The following DNAJC11 variants were observed in gnomAD, a reference collection of about 807,000 sequenced individuals.
The protein encoded by DNAJC11 is dnaJ homolog subfamily C member 11.
A neutral mutation model predicts 78.6 loss-of-function variants in DNAJC11; 15 were observed. That is an observed-to-expected ratio of 0.19 (90% CI 0.13 to 0.29). DNAJC11 has a LOEUF of 0.29. Among genes scored for constraint, DNAJC11 ranks in the 10% least tolerant of loss-of-function variants. The pLI, the probability that DNAJC11 is intolerant of heterozygous loss-of-function variation, is 1.00. For missense variants in DNAJC11, 547 were observed against 709.6 expected, an observed-to-expected ratio of 0.77 and a Z score of 2.60; for synonymous variants, 292 against 272.1, an observed-to-expected ratio of 1.07 and a Z score of -0.72.
rs1209359020 is a variant in DNAJC11, at chr1:6,653,168, G to A, written c.508-217C>T. 6.6e-6 allele frequency among the ~76,000 whole-genome samples: 1 copy of A among 152,184 alleles called. No homozygotes were observed. The highest frequency in any genetic ancestry group is 2.4e-5 in the African/African-American group (1 of 41,434). ...CACGAGGGTAATATGCTTTGCAAAAGCTTTAATGGGCACATTTCACAACAC... is the reference window on the plus strand; with the variant it reads ...CACGAGGGTAATATGCTTTGCAAAAACTTTAATGGGCACATTTCACAACAC... On this transcript the variant is annotated intron_variant, in intron 5 of 15. Coordinates refer to ENST00000377577, the MANE Select transcript of DNAJC11 (RefSeq NM_018198.4). This position sits in a 1 kb window ranked among gnomAD's most constrained non-coding sequence, Gnocchi z 4.5.
intron 7 of DNAJC11, chr1:6,650,974 C>A: frequency 2.0e-6 from 1 of 490,496 alleles, no homozygotes; most frequent in Non-Finnish European, 4.3e-6. Context: ...TTACCCTCCA[C>A]CAATTCTTTT....
chr1:6,664,597 T>C (rs1642267987), intron 4 of DNAJC11, among the ~76,000 whole-genome samples: 1 of 152,164 alleles, frequency 6.6e-6, no homozygotes, highest in South Asian at 2.1e-4. Flanking sequence ...AAGCCAAGAA[T>C]TTCCTCCTCA....
At chr1:6,692,192 C>G (rs1642756997) in intron 1 of DNAJC11, among the ~76,000 whole-genome samples, 1 of 152,102 alleles carries the variant, frequency 6.6e-6, no homozygotes, top group African/African-American at 2.4e-5. Flanking sequence ...GTTTGAAATG[C>G]CCAAAGCAGA....
chr1:6,675,022 C>T (rs1200740106), intron 3 of DNAJC11, among the ~76,000 whole-genome samples: 1 of 152,194 alleles, frequency 6.6e-6, no homozygotes, highest in Non-Finnish European at 1.5e-5. Context: ...AGCTTCCTCC[C>T]TGGAGTGAAA....
At chr1:6,676,631 G>A (rs768926428) in intron 3 of DNAJC11, among the ~76,000 whole-genome samples, 7 of 152,236 alleles carry the variant, frequency 4.6e-5, no homozygotes, top group Middle Eastern at 3.4e-3. Flanking sequence ...AGTGAGCCAT[G>A]ATGGCACCAA....
intron 10 of DNAJC11, among the ~76,000 whole-genome samples, chr1:6,641,436 CAG>C (rs1377283822): frequency 1.4e-4 from 20 of 144,910 alleles, no homozygotes; most frequent in African/African-American, 4.8e-4. Context: ...CACACACAAA[CAG>C]AGACAGGTTA....
intron 10 of DNAJC11, among the ~76,000 whole-genome samples, chr1:6,641,404 T>TACACACAC (rs765422306): frequency 1.0e-5 from 1 of 100,138 alleles, no homozygotes; most frequent in Non-Finnish European, 2.3e-5. Context: ...TATATATATA[T>TACACACAC]ATACACACAC....
At chr1:6,637,588 G>C in intron 12 of DNAJC11, 84 bp from the exon 13 acceptor site, 1 of 1,482,226 alleles carries the variant, frequency 6.7e-7, no homozygotes, top group African/African-American at 1.4e-5. Context: ...AGGCAGTCTT[G>C]TCCACGTCAA....
chr1:6,678,616 T>C (rs1642507223), intron 2 of DNAJC11, 149 bp from the exon 3 acceptor site: 2 of 666,920 alleles, frequency 3.0e-6, no homozygotes, highest in South Asian at 3.9e-5. Flanking sequence ...TCTACACATC[T>C]TTCCTCCCAA....
chr1:6,642,893 C>T lies in DNAJC11; in HGVS notation c.1097+1665G>A, dbSNP rs573143407. Among the ~76,000 whole-genome samples the T allele has an allele frequency of 2.2e-4, 34 of 152,184 alleles. No homozygotes were observed. The South Asian group carries it at 3.5e-3, about 16-fold the overall frequency. On this transcript the variant is annotated intron_variant, in intron 10 of 15. Transcript: ENST00000377577. ...GGGTGGTCCAAGCTGGCACTTGCAA[C>T]GTGAGTCCTCAGGGCATGAGAGCCA...
At chr1:6,656,197 C>T (rs1570280199) in intron 4 of DNAJC11, among the ~76,000 whole-genome samples, 3 of 143,180 alleles carry the variant, frequency 2.1e-5, no homozygotes, top group African/African-American at 7.7e-5. Context: ...AAAAACCATA[C>T]AAAATAAATA....
chr1:6,668,057 G>A (rs1642319219), intron 3 of DNAJC11: 1 of 436,636 alleles, frequency 2.3e-6, no homozygotes, highest in East Asian at 3.4e-5. Context: ...TCTCCAGAGT[G>A]ACTTAAACAT....
intron 4 of DNAJC11, among the ~76,000 whole-genome samples, chr1:6,666,945 C>T (rs548306899): frequency 5.3e-5 from 8 of 152,118 alleles, no homozygotes; most frequent in Non-Finnish European, 7.3e-5. Context: ...AACAGTACAC[C>T]GGGCCATGTT....
chr1:6,654,295 G>A, intron 4 of DNAJC11: 2 of 333,736 alleles, frequency 6.0e-6, no homozygotes, highest in Non-Finnish European at 1.1e-5. Context: ...TGTCTGCAGA[G>A]CAATGACACG....
intron 3 of DNAJC11, among the ~76,000 whole-genome samples, chr1:6,675,519 C>T (rs902919692): frequency 3.9e-5 from 6 of 152,176 alleles, no homozygotes; most frequent in East Asian, 1.9e-4. Context: ...TAGGCTCAAG[C>T]GATCCTCCCA....
chr1:6,638,248 G>GT (rs1283987649), intron 12 of DNAJC11, 47 bp downstream of exon 12: 1 of 1,582,132 alleles, frequency 6.3e-7, no homozygotes, highest in South Asian at 1.1e-5. Flanking sequence ...GGGGTGTGGA[G>GT]TGTGTCCCCT....
intron 10 of DNAJC11, 43 bp from the exon 11 acceptor site, chr1:6,640,100 A>G: frequency 6.6e-6 from 10 of 1,509,674 alleles, no homozygotes; most frequent in Non-Finnish European, 8.8e-6. Context: ...GCCAAGATGA[A>G]TCAGGTTTTC....
intron 10 of DNAJC11, among the ~76,000 whole-genome samples, chr1:6,643,325 G>A (rs557953551): frequency 6.6e-6 from 1 of 150,966 alleles, no homozygotes; most frequent in East Asian, 1.9e-4. Flanking sequence ...GCCCAGGCTG[G>A]AGTGCAGTGG....
At chr1:6,684,284 G>A (rs1642600883) in intron 1 of DNAJC11, among the ~76,000 whole-genome samples, 2 of 152,154 alleles carry the variant, frequency 1.3e-5, no homozygotes. Flanking sequence ...ATTTCATCGT[G>A]TTGGCCAGGC....
Sources: gnomAD v4.1 joint callset for allele counts (sites outside exome capture counted in the v4.1 genomes callset) on GRCh38, gnomAD v4.1.1 for gene constraint, Gnocchi (gnomAD v3.1) non-coding constraint, MANE v1.5 for transcripts, NCBI Gene and HGNC (gene_info 2026-07-23, HGNC 2026-07-21) for gene names.